Variants in COTL1 observed in about 807,000 individuals in gnomAD.
COTL1 encodes coactosin-like protein.
Under a neutral mutation model 16.5 loss-of-function variants are expected in COTL1, and 15 were observed. The observed-to-expected ratio is 0.91, with a 90% CI of 0.61 to 1.40. The LOEUF is 1.40. COTL1 is among the 40% of genes most tolerant of loss of function. COTL1 has a pLI of 0.00. For synonymous variants in COTL1, 112 were observed against 85.3 expected (o/e 1.31, Z -1.73); for missense variants, 220 against 201.5 (o/e 1.09, Z -0.56).
intron 3 of COTL1, among the ~76,000 whole-genome samples, chr16:84,573,488 T>C (rs1200427499): frequency 6.6e-6 from 1 of 152,158 alleles, no homozygotes; most frequent in Non-Finnish European, 1.5e-5. Flanking sequence ...ACATTCAAAA[T>C]ACACAAAACT....
At chr16:84,581,215 C>G (rs1048981085) in intron 3 of COTL1, among the ~76,000 whole-genome samples, 4 of 105,956 alleles carry the variant, frequency 3.8e-5, no homozygotes, top group African/African-American at 1.7e-4. Context: ...GAAGTGCCCC[C>G]GGCCTGAGCC....
intron 2 of COTL1, among the ~76,000 whole-genome samples, chr16:84,607,731 T>C (rs8052336): frequency 0.88 from 133,649 of 151,990 alleles, 59,065 homozygotes; most frequent in East Asian, 0.97. Flanking sequence ...GGGGGAGCAA[T>C]CTGACCTGAA....
chr16:84,594,086 G>A (rs977992998), intron 2 of COTL1, among the ~76,000 whole-genome samples: 1 of 149,522 alleles, frequency 6.7e-6, no homozygotes, highest in Admixed American at 6.7e-5. Context: ...CATCCCTGCT[G>A]CCGCATGTGC....
chr16:84,602,282 T>C (rs1049905101), intron 2 of COTL1, among the ~76,000 whole-genome samples: 1 of 151,636 alleles, frequency 6.6e-6, no homozygotes, highest in African/African-American at 2.4e-5. Context: ...TCCCAACACT[T>C]TGGGAGGCCG....
chr16:84,613,414 T>C (rs1233192183), intron 2 of COTL1, among the ~76,000 whole-genome samples: 1 of 152,174 alleles, frequency 6.6e-6, no homozygotes, highest in Non-Finnish European at 1.5e-5. Flanking sequence ...GAATACCGCA[T>C]GGTAGAAACC....
At chr16:84,587,831 G>C (rs1203816100) in intron 3 of COTL1, among the ~76,000 whole-genome samples, 1 of 151,672 alleles carries the variant, frequency 6.6e-6, no homozygotes, top group African/African-American at 2.4e-5. Context: ...TCCAAAAAAG[G>C]CTAGATCTTG....
chr16:84,571,299 G>A (rs1597166127), intron 3 of COTL1, among the ~76,000 whole-genome samples: 2 of 152,322 alleles, frequency 1.3e-5, no homozygotes, highest in African/African-American at 4.8e-5. Flanking sequence ...GAGAAGGGAT[G>A]GACGGAGGAC....
intron 3 of COTL1, among the ~76,000 whole-genome samples, chr16:84,581,352 A>T (rs901100827): frequency 1.3e-5 from 2 of 152,126 alleles, no homozygotes; most frequent in African/African-American, 4.8e-5. Flanking sequence ...AAACCCTTTG[A>T]AGGCAGCGAA....
chr16:84,589,348 A>G (rs1403011080), intron 3 of COTL1, among the ~76,000 whole-genome samples: 1 of 152,176 alleles, frequency 6.6e-6, no homozygotes, highest in Non-Finnish European at 1.5e-5. Context: ...AATAATGTGC[A>G]TGGTGGAGGA....
intron 2 of COTL1, chr16:84,595,859 A>G (rs1025999813): frequency 7.3e-5 from 11 of 151,640 alleles, no homozygotes; most frequent in Admixed American, 5.9e-4. Context: ...ATATGTGTGT[A>G]TATATATTCA....
intron 3 of COTL1, among the ~76,000 whole-genome samples, chr16:84,586,321 A>G (rs1311557303): frequency 6.6e-6 from 1 of 152,220 alleles, no homozygotes; most frequent in African/African-American, 2.4e-5. Context: ...AAACGTAAGA[A>G]TTATCACCAC....
chr16:84,599,675 G>A (rs778799330), intron 2 of COTL1, among the ~76,000 whole-genome samples: 2 of 152,202 alleles, frequency 1.3e-5, no homozygotes, highest in Non-Finnish European at 2.9e-5. Context: ...GGAGGAAGTT[G>A]CCCCAGAGAG....
chr16:84,613,376 G>A (rs1905383322), intron 2 of COTL1, among the ~76,000 whole-genome samples: 1 of 152,212 alleles, frequency 6.6e-6, no homozygotes, highest in Non-Finnish European at 1.5e-5. Context: ...GGGTGGCTGA[G>A]TCCTAAATGA....
At chr16:84,587,370 G>A (rs569673188) in intron 3 of COTL1, among the ~76,000 whole-genome samples, 14 of 152,090 alleles carry the variant, frequency 9.2e-5, no homozygotes, top group African/African-American at 2.7e-4. Flanking sequence ...TCTTAACTCC[G>A]GAACCCCACC....
At chr16:84,573,768 TACACAC>T (rs3086225) in intron 3 of COTL1, among the ~76,000 whole-genome samples, 11 of 146,206 alleles carry the variant, frequency 7.5e-5, no homozygotes, top group Admixed American at 4.1e-4. Context: ...TATATATACA[TACACAC>T]ACACACACAC....
At chr16:84,577,379 G>A (rs1451494014) in intron 3 of COTL1, among the ~76,000 whole-genome samples, 1 of 152,108 alleles carries the variant, frequency 6.6e-6, no homozygotes, top group African/African-American at 2.4e-5. Context: ...CAAGTAGCTG[G>A]GACTACAGGC....
chr16:84,584,810 C>T (rs1318916830), intron 3 of COTL1, among the ~76,000 whole-genome samples: 2 of 152,188 alleles, frequency 1.3e-5, no homozygotes, highest in African/African-American at 2.4e-5. Flanking sequence ...TTAATCCCCA[C>T]CACAACCCTA....
chr16:84,588,374 T>G (rs574664321), intron 3 of COTL1, among the ~76,000 whole-genome samples: 1 of 152,200 alleles, frequency 6.6e-6, no homozygotes, highest in Non-Finnish European at 1.5e-5. Context: ...TGTGGTACAT[T>G]TGTCACAGTG....
rs1189871243 is a variant in COTL1 at position 84,590,718 on chromosome 16, A to C, written c.161-456T>G. On this transcript the variant is annotated intron_variant, in intron 2 of 3. Transcript: ENST00000262428. This position sits in a 1 kb window ranked among gnomAD's most constrained non-coding sequence, Gnocchi z 5.5. ...TAAAAATAAAAATTTAAAAAGGCTC[A>C]AATTATGGATCTTATTTAGGGACCA... 6.6e-6 allele frequency among the ~76,000 whole-genome samples: 1 copy of C among 152,240 alleles called. No homozygotes were observed. The highest frequency in any genetic ancestry group is 2.4e-5 in the African/African-American group (1 of 41,464).
Sources: allele counts gnomAD v4.1 joint callset (sites outside exome capture counted in the v4.1 genomes callset), GRCh38; gene constraint gnomAD v4.1.1; non-coding constraint Gnocchi (gnomAD v3.1); transcripts MANE v1.5; gene names NCBI Gene and HGNC (gene_info 2026-07-23, HGNC 2026-07-21).